RECQL5: variants seen among roughly 807,000 people sequenced by gnomAD.
RECQL5 encodes RecQ like helicase 5, also known as ATP-dependent DNA helicase Q5.
A neutral mutation model predicts 103.4 loss-of-function variants in RECQL5; 88 were observed. The ratio of observed to expected loss-of-function variants is 0.85; its 90% CI spans 0.72 to 1.02. RECQL5 has a LOEUF of 1.02. RECQL5 is among the 50% of genes least tolerant of loss of function. RECQL5 has a pLI of 0.00. For synonymous variants in RECQL5, 552 were observed against 507.9 expected (o/e 1.09, Z -1.17); for missense variants, 1,232 against 1,284.3 (o/e 0.96, Z 0.62).
intron 14 of RECQL5, 35 bp from the exon 15 acceptor site, chr17:75,629,877 GC>G (rs762046189): frequency 1.3e-6 from 2 of 1,567,274 alleles, no homozygotes; most frequent in African/African-American, 2.7e-5. Flanking sequence ...TGTGGCACCC[GC>G]CAGCTCCTCC....
chr17:75,648,852 GT>G (rs113945466), intron 8 of RECQL5: 100 of 142,014 alleles, frequency 7.0e-4, no homozygotes, highest in Middle Eastern at 7.1e-3. Context: ...GTGTTTTTTG[GT>G]TTTTTTTTTT....
chr17:75,640,233 G>A lies in RECQL5; in HGVS notation c.1230-8565C>T, dbSNP rs545676972. On this transcript the variant is annotated intron_variant, in intron 8 of 19. Coordinates refer to ENST00000317905, the MANE Select transcript of RECQL5 (RefSeq NM_004259.7). This position sits in a 1 kb window ranked among gnomAD's most constrained non-coding sequence, Gnocchi z 4.6. ...GCCACCGACTTCGTGCAGGAGATGC[G>A]CGCCGTGGGCGAGAGGCTGCTGCTC... The A allele has an allele frequency of 1.5e-4, 239 of 1,551,042 alleles. No homozygotes were observed. The highest frequency in any genetic ancestry group is 1.9e-4 in the Non-Finnish European group (223 of 1,146,814).
intron 7 of RECQL5, among the ~76,000 whole-genome samples, chr17:75,653,758 C>T (rs1007277425): frequency 6.6e-6 from 1 of 151,872 alleles, no homozygotes. Flanking sequence ...ATTAGCCAGG[C>T]GTGGTGGTGG....
chr17:75,646,321 G>A (rs1454815031), intron 8 of RECQL5: 1 of 152,434 alleles, frequency 6.6e-6, no homozygotes, highest in African/African-American at 2.4e-5. Flanking sequence ...CTCGGGGCAG[G>A]TCCGCAGTCC....
intron 8 of RECQL5, chr17:75,650,863 G>A: frequency 6.8e-7 from 1 of 1,466,098 alleles, no homozygotes; most frequent in Non-Finnish European, 9.0e-7. Flanking sequence ...GGCACATGAT[G>A]ACCACAAAGC....
chr17:75,665,573 C>T (rs1238961857), intron 2 of RECQL5, among the ~76,000 whole-genome samples: 1 of 151,884 alleles, frequency 6.6e-6, no homozygotes, highest in Non-Finnish European at 1.5e-5. Context: ...GCCTGTAATC[C>T]CAGCTACTCA....
intron 14 of RECQL5, 121 bp downstream of exon 14, chr17:75,630,062 TG>T: frequency 1.7e-6 from 1 of 581,936 alleles, no homozygotes; most frequent in Non-Finnish European, 2.7e-6. Flanking sequence ...AAACTGTCTC[TG>T]GGGTGGGCTG....
At chr17:75,642,525 G>A (rs1397528066) in intron 8 of RECQL5, among the ~76,000 whole-genome samples, 1 of 152,172 alleles carries the variant, frequency 6.6e-6, no homozygotes, top group Non-Finnish European at 1.5e-5. Context: ...GACAGGTTTA[G>A]GTTAAAGACC....
At chr17:75,642,801 G>A (rs1393499853) in intron 8 of RECQL5, among the ~76,000 whole-genome samples, 1 of 152,202 alleles carries the variant, frequency 6.6e-6, no homozygotes, top group Non-Finnish European at 1.5e-5. Flanking sequence ...TGAGGAAGCT[G>A]GGCCTCAGCG....
chr17:75,631,985 T>C (rs2059225061), intron 8 of RECQL5, among the ~76,000 whole-genome samples: 1 of 152,254 alleles, frequency 6.6e-6, no homozygotes, highest in South Asian at 2.1e-4. Context: ...GGGATGTAGA[T>C]GCTGGCTCTG....
In RECQL5 at chr17:75,630,838, C is replaced by CCG. The variant is rs1568258654; in HGVS notation, c.1586-2_1586-1insCG. 1 of 952,072 alleles carries CCG rather than the reference C, an allele frequency of 1.1e-6. No individual in the cohort carries two copies. The highest frequency in any genetic ancestry group is 1.7e-5 in the South Asian group (1 of 58,838). 59.0% of individuals were successfully genotyped at this position (952,072 alleles called of 1,614,324 possible). ...GCCTCTTTCAGGGGACAGTTCTCAT[C>CCG]TGTGGGGGGGGGGGGTGGTCCTTGG... On this transcript the variant is annotated splice_acceptor_variant, in intron 11 of 19. Coordinates refer to ENST00000317905, the MANE Select transcript of RECQL5 (RefSeq NM_004259.7). LOFTEE classifies it high-confidence loss of function.
At chr17:75,643,422 C>A (rs2059455754) in intron 8 of RECQL5, among the ~76,000 whole-genome samples, 1 of 152,238 alleles carries the variant, frequency 6.6e-6, no homozygotes, top group South Asian at 2.1e-4. Flanking sequence ...TGAGTCCGCA[C>A]AGGATTCGGT....
intron 8 of RECQL5, among the ~76,000 whole-genome samples, chr17:75,644,672 G>C (rs969766293): frequency 6.6e-6 from 1 of 151,774 alleles, no homozygotes; most frequent in African/African-American, 2.4e-5. Context: ...GTATATAAAA[G>C]TTTCCTCCCA....
Position 75,662,962 on chromosome 17 carries a change from T to C in RECQL5, c.288A>G (p.Arg96=), listed in dbSNP as rs912269942. 1.2e-6 allele frequency: 2 copies of C among 1,612,932 alleles called. No homozygotes were observed. The highest frequency in any genetic ancestry group is 2.2e-5 in the East Asian group (1 of 44,872). ...AGAGCTTCGAGTTCAGGGAACTTACTCGTACCTTTAGGGTTAGCAAGTGGT... is the reference window on the plus strand; with the variant it reads ...AGAGCTTCGAGTTCAGGGAACTTACCCGTACCTTTAGGGTTAGCAAGTGGT... ...QVDHLLTLKV[R]VSSLNSKLSA... is the part of the protein sequence containing the mutation. Residue 96 remains arginine (R), a synonymous_variant, in exon 4 of 20, where the codon CGA becomes CGG. Transcript: ENST00000317905.
chr17:75,635,077 C>T (rs1017081384), intron 8 of RECQL5, among the ~76,000 whole-genome samples: 2 of 152,330 alleles, frequency 1.3e-5, no homozygotes, highest in African/African-American at 4.8e-5. Flanking sequence ...AAGCCACCAC[C>T]CCCCATATGT....
At chr17:75,635,053 T>C (rs1847193207) in intron 8 of RECQL5, among the ~76,000 whole-genome samples, 2 of 152,276 alleles carry the variant, frequency 1.3e-5, no homozygotes, top group South Asian at 4.1e-4. Flanking sequence ...CGCCCTGTCC[T>C]CAAGCCAGCG....
rs1386946644 is a variant in RECQL5 at position 75,666,519 on chromosome 17, C to T, written c.39G>A (p.Glu13=). The T allele has an allele frequency of 2.5e-6, 4 of 1,614,170 alleles. No homozygotes were observed. The highest frequency in any genetic ancestry group is 2.5e-6 in the Non-Finnish European group (3 of 1,180,036). Residue 13 remains glutamate (E), a synonymous_variant, in exon 2 of 20, where the codon GAG becomes GAA. Transcript: ENST00000317905. ...SHHTTFPFDP[E]RRVRSTLKKV... ...TCTTCAGCGTACTCCGGACTCGCCG[C>T]TCAGGGTCAAAAGGAAAGGTGGTAT...
chr17:75,656,735 T>G (rs1009254506), intron 7 of RECQL5, among the ~76,000 whole-genome samples: 4 of 132,198 alleles, frequency 3.0e-5, no homozygotes, highest in Admixed American at 2.8e-4. Flanking sequence ...ATATTTATCC[T>G]TCTATTGTCT....
intron 8 of RECQL5, chr17:75,641,052 C>G: frequency 7.4e-7 from 1 of 1,347,724 alleles, no homozygotes; most frequent in Non-Finnish European, 9.9e-7. Context: ...ACAACTTGAG[C>G]CCTACCAAGG....
Sources: gnomAD v4.1 joint callset for allele counts (sites outside exome capture counted in the v4.1 genomes callset) on GRCh38, gnomAD v4.1.1 for gene constraint, Gnocchi (gnomAD v3.1) non-coding constraint, MANE v1.5 for transcripts, NCBI Gene and HGNC (gene_info 2026-07-23, HGNC 2026-07-21) for gene names.